The following SAMD8 variants were observed in gnomAD, a reference collection of about 807,000 sequenced individuals.
The protein encoded by SAMD8 is sterile alpha motif domain containing 8.
In SAMD8, 20 loss-of-function variants were observed where a neutral mutation model predicts 42.0. The ratio of observed to expected loss-of-function variants is 0.48; its 90% confidence interval spans 0.34 to 0.69. The LOEUF is 0.69. Ranked by LOEUF, SAMD8 falls within the 30% of genes least tolerant of loss-of-function variation. The pLI, the probability that SAMD8 is intolerant of heterozygous loss-of-function variation, is 0.01. For synonymous variants in SAMD8, 162 were observed against 173.0 expected, an observed-to-expected ratio of 0.94 and a Z score of 0.50; for missense variants, 328 against 511.6, an observed-to-expected ratio of 0.64 and a Z score of 3.46.
chr10:75,111,626 G>A, upstream of SAMD8: 1 of 1,247,032 alleles, frequency 8.0e-7, no homozygotes, highest in Non-Finnish European at 1.0e-6. Context: ...CGCTTGAGGC[G>A]CTTCACTCCG....
chr10:75,153,441 T>C (rs1840337952), intron 2 of SAMD8, among the ~76,000 whole-genome samples: 1 of 151,722 alleles, frequency 6.6e-6, no homozygotes, highest in South Asian at 2.1e-4. Context: ...TGAAACCCCG[T>C]CTCTACTAAA....
intron 2 of SAMD8, among the ~76,000 whole-genome samples, chr10:75,159,545 A>G (rs1399569088): frequency 1.3e-5 from 2 of 152,268 alleles, no homozygotes; most frequent in African/African-American, 2.4e-5. Flanking sequence ...TTTCTTGCAC[A>G]TGGATACTCC....
intron 4 of SAMD8, 120 bp downstream of exon 4, chr10:75,168,778 TA>T (rs369778184): frequency 4.0e-5 from 25 of 631,006 alleles, no homozygotes; most frequent in South Asian, 1.7e-4. Context: ...GCAATGTCTA[TA>T]AAAAAAACTA....
intron 3 of SAMD8, among the ~76,000 whole-genome samples, chr10:75,167,005 C>T (rs1341061417): frequency 6.6e-6 from 1 of 152,180 alleles, no homozygotes; most frequent in African/African-American, 2.4e-5. Context: ...TCAGTGCTTT[C>T]TCTGAGGGTG....
At chr10:75,109,296 A>G, upstream of SAMD8, 1 of 989,892 alleles carries the variant, frequency 1.0e-6, no homozygotes, top group Non-Finnish European at 1.4e-6. Flanking sequence ...TGGAGTGGAC[A>G]AGACCTTTTC....
At chr10:75,105,915 A>C in intron 1 of SAMD8, 1 of 1,522,168 alleles carries the variant, frequency 6.6e-7, no homozygotes, top group South Asian at 1.2e-5. Context: ...ACACCGGCCC[A>C]CCCACGGGCT....
intron 3 of SAMD8, among the ~76,000 whole-genome samples, chr10:75,167,767 A>G (rs1240298824): frequency 2.0e-5 from 3 of 150,984 alleles, no homozygotes; most frequent in African/African-American, 7.3e-5. Flanking sequence ...TCATTTTTAA[A>G]TTATTTGTAG....
chr10:75,126,384 ATCTGAT>A (rs1849134548), intron 1 of SAMD8, among the ~76,000 whole-genome samples: 1 of 152,052 alleles, frequency 6.6e-6, no homozygotes, highest in African/African-American at 2.4e-5. Flanking sequence ...TGAGAGCAAG[ATCTGAT>A]TCAGATTCAT....
At chr10:75,170,812 C>T (rs113214820) in intron 4 of SAMD8, among the ~76,000 whole-genome samples, 48 of 132,744 alleles carry the variant, frequency 3.6e-4, no homozygotes, top group African/African-American at 1.3e-3. Flanking sequence ...CTTTCCCAGT[C>T]GCCCAGGCTG....
At chr10:75,107,964 G>C, upstream of SAMD8, 2 of 1,591,800 alleles carry the variant, frequency 1.3e-6, no homozygotes, top group Non-Finnish European at 1.7e-6. Flanking sequence ...GAGCAAGATG[G>C]GATATGGGCT....
rs1300462674 is a variant in SAMD8 at position 75,177,701 on chromosome 10, T to A, written c.*1009T>A. 6.6e-6 allele frequency: 1 copy of A among 152,242 alleles called. No individual in the cohort carries two copies. The highest frequency in any genetic ancestry group is 1.5e-5 in the Non-Finnish European group (1 of 68,042). The allele number at this position is 152,242 out of a possible 1,614,324, so 9.4% of individuals were successfully genotyped here. ...ATTTATCATTCTTGGCTGTTGGAAG[T>A]AAACAGTCTCAGACATACTTGGATA... On this transcript the variant is annotated 3_prime_UTR_variant, in exon 6 of 6. Coordinates refer to ENST00000542569, the MANE Select transcript of SAMD8 (RefSeq NM_001174156.2).
chr10:75,170,774 T>G (rs1018846625), intron 4 of SAMD8, among the ~76,000 whole-genome samples: 1 of 145,256 alleles, frequency 6.9e-6, no homozygotes, highest in African/African-American at 2.5e-5. Context: ...TTTTGGGTTT[T>G]TTTTTTTTTT....
At chr10:75,174,214 C>G (rs540473581) in intron 4 of SAMD8, among the ~76,000 whole-genome samples, 1 of 152,240 alleles carries the variant, frequency 6.6e-6, no homozygotes, top group Admixed American at 6.5e-5. Context: ...ACTGCAAGCT[C>G]CACCTACCGG....
intron 2 of SAMD8, among the ~76,000 whole-genome samples, chr10:75,154,613 C>T (rs1185591740): frequency 1.3e-5 from 2 of 152,164 alleles, no homozygotes; most frequent in Admixed American, 1.3e-4. Context: ...GTACTGAGGA[C>T]AAGAGTTGAG....
chr10:75,178,163 C>G lies in SAMD8; in HGVS notation c.*1471C>G, dbSNP rs1841022168. On this transcript the variant is annotated 3_prime_UTR_variant, in exon 6 of 6. Transcript: ENST00000542569. ...CACCCCTGTATAAGCTACATAGGAG[C>G]CTGAATGAATTGGGTAGGAAAGGAA... The G allele has an allele frequency of 1.3e-5, 2 of 152,142 alleles. No homozygotes were observed. The highest frequency in any genetic ancestry group is 4.1e-4 in the South Asian group (2 of 4,826). The allele number at this position is 152,142 out of a possible 1,614,324, so 9.4% of individuals were successfully genotyped here. A position where few individuals can be genotyped will look rare whatever the true frequency, so the allele number is the denominator to read the frequency against.
chr10:75,105,959 C>A, intron 1 of SAMD8: 1 of 1,205,914 alleles, frequency 8.3e-7, no homozygotes, highest in Non-Finnish European at 1.2e-6. Context: ...CCTGACCCTG[C>A]CTTGGGTGCA....
intron 1 of SAMD8, among the ~76,000 whole-genome samples, chr10:75,149,109 T>C (rs1266052323): frequency 6.6e-6 from 1 of 152,220 alleles, no homozygotes; most frequent in Non-Finnish European, 1.5e-5. Context: ...CAGGTGGAAA[T>C]ACAATCTTCA....
chr10:75,136,947 G>A (rs1839900723), intron 1 of SAMD8, among the ~76,000 whole-genome samples: 1 of 152,122 alleles, frequency 6.6e-6, no homozygotes, highest in Admixed American at 6.6e-5. Context: ...GGAATATAGA[G>A]AAATTAGAAC....
At chr10:75,142,367 C>CT (rs2134463811) in intron 1 of SAMD8, among the ~76,000 whole-genome samples, 1 of 152,158 alleles carries the variant, frequency 6.6e-6, no homozygotes, top group Admixed American at 6.6e-5. Flanking sequence ...TTCTCCCAAC[C>CT]TTTGTGCTAT....
Sources: allele counts gnomAD v4.1 joint callset (sites outside exome capture counted in the v4.1 genomes callset), GRCh38; gene constraint gnomAD v4.1.1; transcripts MANE v1.5; gene names NCBI Gene and HGNC (gene_info 2026-07-23, HGNC 2026-07-21).